Variants in CNDP1 observed in about 807,000 individuals in gnomAD.
CNDP1 encodes the protein carnosine dipeptidase 1.
CNDP1 carries 44 observed loss-of-function variants against 58.1 expected under a neutral mutation model. The ratio of observed to expected loss-of-function variants is 0.76; its 90% CI spans 0.60 to 0.97. The LOEUF is 0.97. Among genes scored for constraint, CNDP1 ranks in the 50% least tolerant of loss-of-function variants. CNDP1 has a pLI of 0.00. For synonymous variants in CNDP1, 254 were observed against 252.6 expected (o/e 1.01, Z -0.05); for missense variants, 616 against 655.1 (o/e 0.94, Z 0.65).
At chr18:74,573,908 A>G (rs1174208534) in intron 7 of CNDP1, among the ~76,000 whole-genome samples, 1 of 138,224 alleles carries the variant, frequency 7.2e-6, no homozygotes, top group East Asian at 2.2e-4. Flanking sequence ...AATAATCCAC[A>G]GCACAGTAAT....
At position 74,580,130 on chromosome 18, in the gene CNDP1, G is replaced by A. The variant is rs1981751252; in HGVS notation, c.1168G>A (p.Val390Met). Residue 390 changes from valine (V) to methionine (M), a missense_variant and splice_region_variant, in exon 10 of 12, where the codon GTG (valine) becomes ATG (methionine). Coordinates refer to ENST00000358821, the MANE Select transcript of CNDP1 (RefSeq NM_032649.6). ...HMNVSAVEKQ[V>M]TRHLEDVFSK... ...TATCATTGAAAATGTCACCTTTTAG[G>A]TGACACGACATCTTGAAGATGTGTT... is the stretch of plus-strand genomic sequence containing the variant. 6.2e-7 allele frequency: 1 copy of A among 1,612,020 alleles called. No homozygotes were observed. Among genetic ancestry groups the A allele is most frequent in the South Asian group, 1.1e-5 (1 of 90,754 alleles).
At chr18:74,579,221 T>TCACC (rs1981722500) in intron 9 of CNDP1, among the ~76,000 whole-genome samples, 1 of 138,236 alleles carries the variant, frequency 7.2e-6, no homozygotes, top group Non-Finnish European at 1.6e-5. Context: ...TTCCCTTCCC[T>TCACC]TCCCTTCCCT....
At position 74,584,613 on chromosome 18, in the gene CNDP1, C is replaced by T. The variant is rs771525808; in HGVS notation, c.*51C>T. On this transcript the variant is annotated 3_prime_UTR_variant, in exon 12 of 12. Coordinates refer to ENST00000358821, the MANE Select transcript of CNDP1 (RefSeq NM_032649.6). ...GATCCACTGACAGATTCACCTCCCCCACATCCCTAGACAGGGATGGAATGT... is the reference window on the plus strand; with the variant it reads ...GATCCACTGACAGATTCACCTCCCCTACATCCCTAGACAGGGATGGAATGT... The T allele has an allele frequency of 1.6e-5, 22 of 1,372,998 alleles. No homozygotes were observed. The highest frequency in any genetic ancestry group is 4.6e-5 in the East Asian group (2 of 43,782). 85.1% of individuals were successfully genotyped at this position (1,372,998 alleles called of 1,614,324 possible). A position where few individuals can be genotyped will look rare whatever the true frequency, so the allele number is the denominator to read the frequency against.
chr18:74,548,948 C>CAA (rs1332622460), intron 1 of CNDP1, among the ~76,000 whole-genome samples: 2 of 152,176 alleles, frequency 1.3e-5, no homozygotes, highest in African/African-American at 4.8e-5. Context: ...TTCTAAGTAG[C>CAA]AGTGTTCAAG....
chr18:74,568,917 G>A (rs1012034450), intron 6 of CNDP1, among the ~76,000 whole-genome samples: 30 of 152,254 alleles, frequency 2.0e-4, no homozygotes, highest in African/African-American at 7.0e-4. Context: ...CCAGAGGGTT[G>A]TGGTGGAGAA....
chr18:74,578,026 C>G, intron 8 of CNDP1, 137 bp from the exon 9 acceptor site: 1 of 727,854 alleles, frequency 1.4e-6, no homozygotes, highest in Non-Finnish European at 2.2e-6. Context: ...AAAGTCCTTG[C>G]GTGAGGCACA....
chr18:74,550,490 T>A (rs376160966), intron 1 of CNDP1, among the ~76,000 whole-genome samples: 5 of 152,094 alleles, frequency 3.3e-5, no homozygotes, highest in African/African-American at 1.2e-4. Context: ...TGAGAGGAAC[T>A]CATCTCCAGA....
At chr18:74,561,987 T>A in intron 4 of CNDP1, 60 bp from the exon 5 acceptor site, 1 of 1,447,846 alleles carries the variant, frequency 6.9e-7, no homozygotes, top group Non-Finnish European at 9.7e-7. Context: ...GACATTGGTT[T>A]TTAACTCACA....
intron 6 of CNDP1, 30 bp downstream of exon 6, chr18:74,567,463 G>C (rs1326841149): frequency 1.3e-6 from 2 of 1,568,706 alleles, no homozygotes; most frequent in Non-Finnish European, 1.8e-6. Context: ...CATGGATGGA[G>C]GCCTGTGGGG....
At chr18:74,582,197 TAA>T (rs1981806327) in intron 10 of CNDP1, among the ~76,000 whole-genome samples, 1 of 152,248 alleles carries the variant, frequency 6.6e-6, no homozygotes, top group Admixed American at 6.5e-5. Context: ...CAGGAATGCA[TAA>T]GACACCTTTC....
At chr18:74,546,455 T>C (rs750159113) in intron 1 of CNDP1, among the ~76,000 whole-genome samples, 12 of 152,136 alleles carry the variant, frequency 7.9e-5, no homozygotes, top group African/African-American at 1.2e-4. Flanking sequence ...GAGAAGACGC[T>C]GTACAGTGCC....
At chr18:74,538,205 C>A (rs1980530756) in intron 1 of CNDP1, among the ~76,000 whole-genome samples, 1 of 152,214 alleles carries the variant, frequency 6.6e-6, no homozygotes, top group Non-Finnish European at 1.5e-5. Flanking sequence ...CCTCCCTCAC[C>A]TTATCCTTAA....
intron 10 of CNDP1, among the ~76,000 whole-genome samples, chr18:74,581,392 G>C (rs1981788656): frequency 6.6e-6 from 1 of 152,116 alleles, no homozygotes; most frequent in South Asian, 2.1e-4. Flanking sequence ...GTTCTCACTA[G>C]TGCCATGGCT....
chr18:74,563,189 C>A lies in CNDP1; in HGVS notation c.555+1054C>A, dbSNP rs989285387. ...GCAGATGGGAGGGGAGTTAAGTACTCTGACTTCACTCCTGAGTCTCACAGA... is the reference window on the plus strand; with the variant it reads ...GCAGATGGGAGGGGAGTTAAGTACTATGACTTCACTCCTGAGTCTCACAGA... On this transcript the variant is annotated intron_variant, in intron 5 of 11. Coordinates refer to ENST00000358821, the MANE Select transcript of CNDP1 (RefSeq NM_032649.6). 9.8e-5 allele frequency among the ~76,000 whole-genome samples: 15 copies of A among 152,316 alleles called. No homozygotes were observed. In the East Asian group the frequency reaches 1.2e-3, roughly 12 times the overall value.
chr18:74,580,668 C>T (rs1294745957), intron 10 of CNDP1, among the ~76,000 whole-genome samples: 1 of 152,162 alleles, frequency 6.6e-6, no homozygotes, highest in Non-Finnish European at 1.5e-5. Flanking sequence ...TAAAAACATC[C>T]TTTCAAAACA....
chr18:74,577,850 C>T, intron 8 of CNDP1: 1 of 239,166 alleles, frequency 4.2e-6, no homozygotes. Context: ...TATCTATGGC[C>T]ATACCACACT....
chr18:74,582,085 G>A (rs561256362), intron 10 of CNDP1, among the ~76,000 whole-genome samples: 25 of 152,290 alleles, frequency 1.6e-4, no homozygotes, highest in Admixed American at 5.2e-4. Flanking sequence ...CAGGTATTTC[G>A]CCAGTAAACT....
chr18:74,580,332 G>A, intron 10 of CNDP1, 61 bp downstream of exon 10: 1 of 1,549,956 alleles, frequency 6.5e-7, no homozygotes, highest in Non-Finnish European at 8.9e-7. Flanking sequence ...TGGTACCCGT[G>A]GGACCGTGGG....
intron 1 of CNDP1, 28 bp downstream of exon 1, chr18:74,534,719 C>G (rs750479103): frequency 2.7e-5 from 43 of 1,613,308 alleles, no homozygotes; most frequent in Non-Finnish European, 3.4e-5. Context: ...CATCAGAGTC[C>G]GTGCATTGGG....
Sources: allele counts gnomAD v4.1 joint callset (sites outside exome capture counted in the v4.1 genomes callset), GRCh38; gene constraint gnomAD v4.1.1; transcripts MANE v1.5; gene names NCBI Gene and HGNC (gene_info 2026-07-23, HGNC 2026-07-21).